The following MAP3K8 variants were observed in gnomAD, a reference collection of about 807,000 sequenced individuals.
MAP3K8 encodes the protein mitogen-activated protein kinase kinase kinase 8.
A neutral mutation model predicts 45.8 loss-of-function variants in MAP3K8; 22 were observed. That is an observed-to-expected ratio of 0.48 (90% CI 0.34 to 0.69). The LOEUF (loss-of-function observed/expected upper bound fraction) is 0.69. MAP3K8 is among the 30% of genes least tolerant of loss of function. The probability of loss-of-function intolerance (pLI) is 0.01; values close to 1 mark genes in which losing one functional copy is unlikely to be tolerated. For missense variants in MAP3K8, 419 were observed against 585.0 expected (o/e 0.72, Z 2.93); for synonymous variants, 223 against 214.3 (o/e 1.04, Z -0.36).
intron 8 of MAP3K8, among the ~76,000 whole-genome samples, 170 bp downstream of exon 8, chr10:30,459,671 T>A (rs1040674697): frequency 2.6e-5 from 4 of 152,096 alleles, no homozygotes; most frequent in African/African-American, 7.2e-5. Context: ...TTTTTTTTTT[T>A]AAATTGGCTA....
rs751851768 is a variant in MAP3K8 at position 30,439,208 on chromosome 10, T to C, written c.270T>C (p.His90=). 1.9e-6 allele frequency: 3 copies of C among 1,614,212 alleles called. No homozygotes were observed. In the South Asian group the frequency reaches 3.3e-5, roughly 18 times the overall value. The change falls in exon 3 of 9, where the codon CAT becomes CAC. Residue 90 remains histidine (H), a synonymous_variant. Transcript: ENST00000263056. Reference sequence around the variant, plus strand: ...AGGATTTGCTTGCTTTTGCAAACCATATATCCAACACTGCAAAGCATTTTT... The same window carrying C: ...AGGATTTGCTTGCTTTTGCAAACCACATATCCAACACTGCAAAGCATTTTT... ...TVEDLLAFAN[H]ISNTAKHFYG...
chr10:30,456,322 G>A (rs996952313), intron 6 of MAP3K8, among the ~76,000 whole-genome samples: 1 of 152,116 alleles, frequency 6.6e-6, no homozygotes, highest in Non-Finnish European at 1.5e-5. Context: ...ATATTTAGTA[G>A]CAAAGTCCTT....
chr10:30,439,032 A>G lies in MAP3K8; in HGVS notation c.94A>G (p.Asn32Asp), dbSNP rs139640494. Residue 32 changes from asparagine to aspartate, a missense_variant, in exon 3 of 9, where the codon AAT becomes GAT. Around this residue, in one of 3 missense-constraint regions of MAP3K8, gnomAD observed 102 missense variants for 93.5 expected, o/e 1.09. Transcript: ENST00000263056. Reference sequence around the variant, plus strand: ...GTCTGATGTAATAGACATTATGGAAAATCTTTATGCAAGTGAAGAGCCAGC... The same window carrying G: ...GTCTGATGTAATAGACATTATGGAAGATCTTTATGCAAGTGAAGAGCCAGC... ...NVSDVIDIMENLYASEEPAVY... is the reference protein window; with the variant it reads ...NVSDVIDIMEDLYASEEPAVY... The G allele has an allele frequency of 2.5e-6, 4 of 1,613,754 alleles. No individual in the cohort carries two copies. The highest frequency in any genetic ancestry group is 3.4e-6 in the Non-Finnish European group (4 of 1,179,722).
chr10:30,438,809 A>T, intron 2 of MAP3K8, 107 bp from the exon 3 acceptor site: 1 of 651,064 alleles, frequency 1.5e-6, no homozygotes, highest in African/African-American at 1.8e-5. Flanking sequence ...CGTTTTCTGA[A>T]CAAAAGCATA....
In MAP3K8 at chr10:30,437,247, C is replaced by T; in HGVS notation, c.-183C>T. 1 of 985,200 alleles carries T rather than the reference C, an allele frequency of 1.0e-6. No homozygotes were observed. Among genetic ancestry groups the T allele is most frequent in the Non-Finnish European group, 1.2e-6 (1 of 829,800 alleles). 61.0% of individuals were successfully genotyped at this position (985,200 alleles called of 1,614,324 possible). ...TCTTGTTTGCAGATAAGAAAGGAAGCTAACGCAGTATCTGCAAAGCCAGGA... is the reference window on the plus strand; with the variant it reads ...TCTTGTTTGCAGATAAGAAAGGAAGTTAACGCAGTATCTGCAAAGCCAGGA... On this transcript the variant is annotated 5_prime_UTR_variant, in exon 2 of 9. Transcript: ENST00000263056.
intron 3 of MAP3K8, among the ~76,000 whole-genome samples, chr10:30,447,051 G>A (rs1009540607): frequency 5.9e-5 from 9 of 152,126 alleles, no homozygotes; most frequent in Admixed American, 3.3e-4. Flanking sequence ...GCTCCCAGCT[G>A]TCTCTCAATT....
chr10:30,437,804 C>A (rs986886301), intron 2 of MAP3K8, among the ~76,000 whole-genome samples: 3 of 152,176 alleles, frequency 2.0e-5, no homozygotes, highest in African/African-American at 7.2e-5. Flanking sequence ...GTGTTAAAGG[C>A]TTGTGCTTCT....
In MAP3K8 at chr10:30,443,819, C is replaced by T. The variant is rs181135227; in HGVS notation, c.337-3963C>T. On this transcript the variant is annotated intron_variant, in intron 3 of 8. Transcript: ENST00000263056. ...TCTGGATGAGGAGATAGGAAGTGTG[C>T]TTATAATGCCTGCCCTTACAGGTGA... 9.9e-5 allele frequency among the ~76,000 whole-genome samples: 15 copies of T among 152,268 alleles called. No individual in the cohort carries two copies. The East Asian group carries it at 2.9e-3, about 29-fold the overall frequency.
chr10:30,453,443 T>C (rs1305140222), intron 6 of MAP3K8, among the ~76,000 whole-genome samples: 1 of 152,186 alleles, frequency 6.6e-6, no homozygotes, highest in African/African-American at 2.4e-5. Flanking sequence ...GTTTAACTCA[T>C]CTGTGAAGCA....
rs376441005 is a variant in MAP3K8 at position 30,455,179 on chromosome 10, T to C, written c.874-2905T>C. 4.8e-4 allele frequency among the ~76,000 whole-genome samples: 73 copies of C among 152,320 alleles called. 1 individual carries two copies. Among genetic ancestry groups the C allele is most frequent in the African/African-American group, 1.8e-3 (73 of 41,576 alleles). ...TGCCTTGGTGTTTATAAATATAAACTCTCTTCTAATCAGCCTGCATTTAAT... is the reference window on the plus strand; with the variant it reads ...TGCCTTGGTGTTTATAAATATAAACCCTCTTCTAATCAGCCTGCATTTAAT... On this transcript the variant is annotated intron_variant, in intron 6 of 8. Transcript: ENST00000263056.
intron 4 of MAP3K8, 38 bp from the exon 5 acceptor site, chr10:30,450,220 G>T: frequency 6.5e-7 from 1 of 1,543,946 alleles, no homozygotes; most frequent in East Asian, 2.3e-5. Context: ...GATGACTTTG[G>T]GGTTATTTAG....
At chr10:30,458,820 A>C (rs1188915152) in intron 7 of MAP3K8, among the ~76,000 whole-genome samples, 1 of 152,204 alleles carries the variant, frequency 6.6e-6, no homozygotes. Context: ...CACGCCTGTA[A>C]TCTCAGCACT....
intron 6 of MAP3K8, among the ~76,000 whole-genome samples, chr10:30,453,806 G>A (rs925753607): frequency 4.6e-5 from 7 of 151,898 alleles, no homozygotes; most frequent in Non-Finnish European, 1.0e-4. Context: ...GGAGGTGGGG[G>A]TGGTTTGCTT....
In MAP3K8 at chr10:30,440,572, G is replaced by A. The variant is rs144851635; in HGVS notation, c.336+1298G>A. Among the ~76,000 whole-genome samples, 374 of 152,148 alleles carry A rather than the reference G, an allele frequency of 2.5e-3. 1 individual carries two copies. The highest frequency in any genetic ancestry group is 8.5e-3 in the African/African-American group (351 of 41,496). On this transcript the variant is annotated intron_variant, in intron 3 of 8. Coordinates refer to ENST00000263056, the MANE Select transcript of MAP3K8 (RefSeq NM_005204.4). ...ATTGTTGTGTGACTGCTTTGGTCTG[G>A]CTCTATCAAGCTCTATTTAATAGTC...
intron 6 of MAP3K8, 40 bp downstream of exon 6, chr10:30,451,784 G>A: frequency 1.8e-6 from 2 of 1,098,876 alleles, no homozygotes; most frequent in East Asian, 2.5e-5. Context: ...ATTTTATTAA[G>A]AATAAAAAGG....
chr10:30,444,795 TAGCTC>T (rs1383544968), intron 3 of MAP3K8, among the ~76,000 whole-genome samples: 1 of 152,250 alleles, frequency 6.6e-6, no homozygotes, highest in Admixed American at 6.5e-5. Context: ...GTTTTCATCT[TAGCTC>T]AGCTTTAATT....
At chr10:30,451,175 T>G (rs1004482930) in intron 5 of MAP3K8, among the ~76,000 whole-genome samples, 12 of 152,110 alleles carry the variant, frequency 7.9e-5, no homozygotes, top group African/African-American at 2.9e-4. Context: ...ACCTTTTTCA[T>G]TTTTTATACC....
chr10:30,458,264 G>GGT, intron 7 of MAP3K8, 28 bp downstream of exon 7: 1 of 1,310,232 alleles, frequency 7.6e-7, no homozygotes, highest in Non-Finnish European at 1.0e-6. Context: ...AGGGCTGGGG[G>GGT]CGGCGGGGGG....
intron 6 of MAP3K8, among the ~76,000 whole-genome samples, chr10:30,457,709 G>A (rs967995544): frequency 1.3e-5 from 2 of 152,066 alleles, no homozygotes; most frequent in South Asian, 2.1e-4. Flanking sequence ...GCAGTGGTGC[G>A]ATCTCGGCTC....
Sources: gnomAD v4.1 joint callset for allele counts (sites outside exome capture counted in the v4.1 genomes callset) on GRCh38, gnomAD v4.1.1 for gene constraint, gnomAD v4.1.1 regional missense constraint, MANE v1.5 for transcripts, NCBI Gene and HGNC (gene_info 2026-07-23, HGNC 2026-07-21) for gene names.